Variants in MIDEAS observed in about 807,000 individuals in gnomAD.
MIDEAS encodes mitotic deacetylase-associated SANT domain protein.
Under a neutral mutation model 102.7 loss-of-function variants are expected in MIDEAS, and 26 were observed. That is an observed-to-expected ratio of 0.25 (90% confidence interval 0.19 to 0.35). The LOEUF (loss-of-function observed/expected upper bound fraction) is 0.35, where lower values mean the gene tolerates loss of function less well. MIDEAS is among the 10% of genes least tolerant of loss of function. The probability of loss-of-function intolerance (pLI) is 1.00; values close to 1 mark genes in which losing one functional copy is unlikely to be tolerated. For missense variants in MIDEAS, 1,231 were observed against 1,435.6 expected, an observed-to-expected ratio of 0.86 and a Z score of 2.30; for synonymous variants, 585 against 591.0, an observed-to-expected ratio of 0.99 and a Z score of 0.15.
chr14:73,741,690 C>T lies in MIDEAS; in HGVS notation c.-247-1435G>A, dbSNP rs774785149. Among the ~76,000 whole-genome samples the T allele has an allele frequency of 1.0e-3, 156 of 152,152 alleles. 1 individual carries two copies. The highest frequency in any genetic ancestry group is 1.9e-3 in the Non-Finnish European group (130 of 68,016). Reference sequence around the variant, plus strand: ...CTCCCCAGCCCCTGTGCTCCTGGAGCCTGCCTGCCTCCTGCCCGCCTGCGT... The same window carrying T: ...CTCCCCAGCCCCTGTGCTCCTGGAGTCTGCCTGCCTCCTGCCCGCCTGCGT... On this transcript the variant is annotated intron_variant, in intron 1 of 12. Transcript: ENST00000423556.
In MIDEAS at chr14:73,759,441, T is replaced by A. The variant is rs1325033845; in HGVS notation, c.-248+322A>T. 6.7e-6 allele frequency among the ~76,000 whole-genome samples: 1 copy of A among 149,614 alleles called. No individual in the cohort carries two copies. Reference sequence around the variant, plus strand: ...CTTTCCTGGCGGGGCCGCGCCCGGGTGGGCGGGGGCCGCGCGCAAGCTGCG... The same window carrying A: ...CTTTCCTGGCGGGGCCGCGCCCGGGAGGGCGGGGGCCGCGCGCAAGCTGCG... On this transcript the variant is annotated intron_variant, in intron 1 of 12. Coordinates refer to ENST00000423556, the MANE Select transcript of MIDEAS (RefSeq NM_001367710.1). The surrounding 1 kb of genome is among the most constrained non-coding windows in gnomAD (Gnocchi z 6.7).
At chr14:73,774,569 G>C (rs1004647797) in intron 1 of MIDEAS, among the ~76,000 whole-genome samples, 2 of 151,946 alleles carry the variant, frequency 1.3e-5, no homozygotes, top group Non-Finnish European at 2.9e-5. Context: ...AGTAGGAAGA[G>C]ATGCTTCTGC....
intron 3 of MIDEAS, among the ~76,000 whole-genome samples, chr14:73,731,890 G>T (rs1231688850): frequency 2.6e-5 from 4 of 152,148 alleles, no homozygotes; most frequent in South Asian, 2.1e-4. Flanking sequence ...GTAGTACAAA[G>T]AATAATAAAT....
chr14:73,779,115 G>A (rs1278063347), intron 1 of MIDEAS, among the ~76,000 whole-genome samples: 3 of 151,916 alleles, frequency 2.0e-5, no homozygotes, highest in African/African-American at 7.2e-5. Flanking sequence ...GCCGGGCATG[G>A]TTGGCGCATG....
intron 3 of MIDEAS, among the ~76,000 whole-genome samples, chr14:73,735,373 A>T (rs1436557291): frequency 2.0e-5 from 3 of 152,202 alleles, no homozygotes; most frequent in African/African-American, 7.2e-5. Context: ...ATTTTATTTT[A>T]TTCTATTTTT....
intron 1 of MIDEAS, among the ~76,000 whole-genome samples, chr14:73,741,356 T>C (rs2053278886): frequency 6.6e-6 from 1 of 151,964 alleles, no homozygotes; most frequent in African/African-American, 2.4e-5. Flanking sequence ...GAGTGATGTT[T>C]GGGTTTTGTT....
chr14:73,729,674 C>T lies in MIDEAS; in HGVS notation c.2061G>A (p.Thr687=), dbSNP rs762715359. The change falls in exon 4 of 13, where the codon ACG becomes ACA. Residue 687 remains threonine (T), a synonymous_variant. Coordinates refer to ENST00000423556, the MANE Select transcript of MIDEAS (RefSeq NM_001367710.1). ...TSTIPAPPPI[T]PKSAHRTLLR... ...GCAGCGTGCGATGGGCACTCTTAGG[C>T]GTGATGGGAGGAGGGGCAGGGATGG... The T allele has an allele frequency of 2.9e-5, 47 of 1,613,066 alleles. No individual in the cohort carries two copies. Among genetic ancestry groups the T allele is most frequent in the South Asian group, 5.5e-5 (5 of 90,952 alleles).
intron 1 of MIDEAS, among the ~76,000 whole-genome samples, chr14:73,774,138 G>A (rs1476824103): frequency 6.6e-6 from 1 of 151,772 alleles, no homozygotes; most frequent in Non-Finnish European, 1.5e-5. Context: ...ATGACAGGAA[G>A]CCTCTGAGTG....
Position 73,718,944 on chromosome 14 carries a change from CCTT to C in MIDEAS, c.3196_3198del (p.Lys1066del), listed in dbSNP as rs944178418. On this transcript the variant is annotated inframe_deletion, in exon 13 of 13. Transcript: ENST00000423556. ...TTCTCCTTCAGCCTCAGCGCTGCAG[CCTT>C]CTTCTCCTGCTCTGCGTGGCTCTTC... The C allele has an allele frequency of 4.2e-5, 64 of 1,524,670 alleles. No individual in the cohort carries two copies. Among genetic ancestry groups the C allele is most frequent in the Non-Finnish European group, 5.2e-5 (59 of 1,143,034 alleles). The allele number at this position is 1,524,670 out of a possible 1,614,324, so 94.4% of individuals were successfully genotyped here.
At chr14:73,720,720 A>G (rs7153989) in intron 11 of MIDEAS, among the ~76,000 whole-genome samples, 30,455 of 152,172 alleles carry the variant, frequency 0.2, 4,010 homozygotes, top group Non-Finnish European at 0.3. Context: ...TAGGAGTCCA[A>G]GGACCTGGGG....
rs565245167 is a variant in MIDEAS, at chr14:73,743,212, T to C, written c.-247-2957A>G. ...CTACACCACCTCCAAGCAAGGATTT[T>C]CTAGACACAGATATCAGATATCCCT... On this transcript the variant is annotated intron_variant, in intron 1 of 12. Transcript: ENST00000423556. 7.2e-5 allele frequency among the ~76,000 whole-genome samples: 11 copies of C among 152,262 alleles called. No homozygotes were observed. The South Asian group carries it at 2.3e-3, about 32-fold the overall frequency.
intron 4 of MIDEAS, chr14:73,728,877 G>A (rs891669817): frequency 1.3e-5 from 2 of 152,348 alleles, no homozygotes; most frequent in Non-Finnish European, 2.9e-5. Context: ...ACAGAAGGCT[G>A]GCCAGCCTAG....
intron 1 of MIDEAS, among the ~76,000 whole-genome samples, chr14:73,745,122 C>T (rs950654550): frequency 6.6e-6 from 1 of 152,226 alleles, no homozygotes; most frequent in African/African-American, 2.4e-5. Context: ...CTCCTGCCTG[C>T]TCCTGACTTC....
In MIDEAS at chr14:73,744,778, C is replaced by T. The variant is rs187782934; in HGVS notation, c.-247-4523G>A. On this transcript the variant is annotated intron_variant, in intron 1 of 12. Transcript: ENST00000423556. Reference sequence around the variant, plus strand: ...CCAGGTCTTTGGCCAGGCTGTACCCCTTCCTAGGACACCTTCTCACTCTTT... The same window carrying T: ...CCAGGTCTTTGGCCAGGCTGTACCCTTTCCTAGGACACCTTCTCACTCTTT... 2.6e-5 allele frequency among the ~76,000 whole-genome samples: 4 copies of T among 152,280 alleles called. No individual in the cohort carries two copies. In the East Asian group the frequency reaches 7.7e-4, roughly 29 times the overall value.
upstream of MIDEAS, chr14:73,787,320 C>A (rs1238583555): frequency 6.7e-6 from 1 of 150,140 alleles, no homozygotes; most frequent in Non-Finnish European, 1.5e-5. Context: ...CCCGGCTCCG[C>A]GCGCCCCTGG....
At chr14:73,787,788 T>C (rs765181763), upstream of MIDEAS, among the ~76,000 whole-genome samples, 16 of 152,184 alleles carry the variant, frequency 1.1e-4, no homozygotes, top group Non-Finnish European at 2.2e-4. Context: ...GTTTACCACG[T>C]ATCACACTTC....
In MIDEAS at chr14:73,760,137, GA is replaced by G. The variant is rs10708298; in HGVS notation, c.-623del. The G allele has an allele frequency of 0.35, 50,800 of 143,692 alleles. 10,408 individuals carry two copies. Among genetic ancestry groups the G allele is most frequent in the East Asian group, 0.77 (3,727 of 4,858 alleles). The allele number at this position is 143,692 out of a possible 1,614,324, so 8.9% of individuals were successfully genotyped here. A position where few individuals can be genotyped will look rare whatever the true frequency, so the allele number is the denominator to read the frequency against. ...GACTCATCGGTTGAGCTCACAGCTT[GA>G]AAAAAAAAAAAAGAGAGAGGGCGAG... is the stretch of plus-strand genomic sequence containing the variant. On this transcript the variant is annotated 5_prime_UTR_variant, in exon 1 of 13. Coordinates refer to ENST00000423556, the MANE Select transcript of MIDEAS (RefSeq NM_001367710.1). This position sits in a 1 kb window ranked among gnomAD's most constrained non-coding sequence, Gnocchi z 4.8.
At chr14:73,756,126 T>C (rs966733881) in intron 1 of MIDEAS, among the ~76,000 whole-genome samples, 1 of 152,158 alleles carries the variant, frequency 6.6e-6, no homozygotes, top group Admixed American at 6.5e-5. Flanking sequence ...CCCAAGTGAC[T>C]GTCCACACAC....
At chr14:73,754,205 A>C (rs1330335692) in intron 1 of MIDEAS, among the ~76,000 whole-genome samples, 1 of 152,234 alleles carries the variant, frequency 6.6e-6, no homozygotes, top group Non-Finnish European at 1.5e-5. Flanking sequence ...CAAGTGTGCA[A>C]GCACTGCAAC....
Sources: allele counts gnomAD v4.1 joint callset (sites outside exome capture counted in the v4.1 genomes callset), GRCh38; gene constraint gnomAD v4.1.1; non-coding constraint Gnocchi (gnomAD v3.1); transcripts MANE v1.5; gene names NCBI Gene and HGNC (gene_info 2026-07-23, HGNC 2026-07-21).